TTLL7: variants seen among roughly 807,000 people sequenced by gnomAD.
TTLL7 encodes tubulin polyglutamylase TTLL7.
In TTLL7, 53 loss-of-function variants were observed where a neutral mutation model predicts 120.2. The ratio of observed to expected loss-of-function variants is 0.44; its 90% CI spans 0.35 to 0.55. The LOEUF (loss-of-function observed/expected upper bound fraction) is 0.55, where lower values mean the gene tolerates loss of function less well. Ranked by LOEUF, TTLL7 falls within the 20% of genes least tolerant of loss-of-function variation. TTLL7 has a pLI of 0.00. For missense variants in TTLL7, 803 were observed against 1,054.7 expected (o/e 0.76, Z 3.31); for synonymous variants, 353 against 351.7 (o/e 1.00, Z -0.04).
intron 1 of TTLL7, among the ~76,000 whole-genome samples, chr1:83,961,230 T>C (rs1649992043): frequency 6.6e-6 from 1 of 152,124 alleles, no homozygotes; most frequent in Non-Finnish European, 1.5e-5. Flanking sequence ...GGAAGGTTTT[T>C]TTGAATTTAA....
chr1:83,907,393 T>C, intron 16 of TTLL7, 63 bp downstream of exon 16: 3 of 1,439,102 alleles, frequency 2.1e-6, no homozygotes, highest in Non-Finnish European at 2.9e-6. Context: ...TCCTCTCATC[T>C]GATCCCCTTT....
chr1:83,948,825 T>A, intron 4 of TTLL7, 130 bp from the exon 5 acceptor site: 1 of 612,312 alleles, frequency 1.6e-6, no homozygotes, highest in Non-Finnish European at 2.8e-6. Flanking sequence ...CTAAAAGATT[T>A]AATGTTAAAT....
Position 83,952,025 on chromosome 1 carries a change from T to C in TTLL7, c.26-49A>G, listed in dbSNP as rs768825663. The C allele has an allele frequency of 3.7e-5, 58 of 1,579,486 alleles. 1 individual carries two copies. The highest frequency in any genetic ancestry group is 1.8e-4 in the Admixed American group (10 of 55,958). ...AGATAACACTGAAAACAAAAATCTA[T>C]ACCAGACAACACAAATACCACCCCC... On this transcript the variant is annotated intron_variant, in intron 2 of 20. Transcript: ENST00000260505.
intron 18 of TTLL7, among the ~76,000 whole-genome samples, chr1:83,894,163 T>G (rs1656021320): frequency 6.6e-6 from 1 of 152,094 alleles, no homozygotes; most frequent in Non-Finnish European, 1.5e-5. Context: ...CACTTTTCCT[T>G]TCTACTTTCT....
rs564862228 is a variant in TTLL7, at chr1:83,883,252, G to T, written c.2370-116C>A. ...GAAATAGAAATGGTCTCATACATTT[G>T]CAATAACTATGAATGGTTTAAAGAT... On this transcript the variant is annotated intron_variant, in intron 19 of 20. Coordinates refer to ENST00000260505, the MANE Select transcript of TTLL7 (RefSeq NM_024686.6). The T allele has an allele frequency of 8.3e-6, 6 of 726,576 alleles. No individual in the cohort carries two copies. In the South Asian group the frequency reaches 1.2e-4, roughly 14 times the overall value. The allele number at this position is 726,576 out of a possible 1,614,324, so 45.0% of individuals were successfully genotyped here.
intron 20 of TTLL7, among the ~76,000 whole-genome samples, chr1:83,871,896 C>CAA (rs1281907006): frequency 0.069 from 3,037 of 43,766 alleles, 68 homozygotes; most frequent in Middle Eastern, 0.12. Context: ...GACTCCATCT[C>CAA]AAAAAAAAAA....
At chr1:83,947,009 C>T in intron 6 of TTLL7, 115 bp downstream of exon 6, 1 of 780,444 alleles carries the variant, frequency 1.3e-6, no homozygotes, top group Non-Finnish European at 1.9e-6. Context: ...TAGTTAGAAA[C>T]CTATTTCGTT....
chr1:83,875,547 G>T (rs1482682715), intron 20 of TTLL7, among the ~76,000 whole-genome samples: 1 of 151,848 alleles, frequency 6.6e-6, no homozygotes, highest in Non-Finnish European at 1.5e-5. Context: ...AGAATTTACA[G>T]GGAGAGTAGC....
intron 18 of TTLL7, among the ~76,000 whole-genome samples, chr1:83,899,821 A>G (rs1168777254): frequency 6.6e-6 from 1 of 151,854 alleles, no homozygotes; most frequent in Non-Finnish European, 1.5e-5. Context: ...TAGTGCTTCC[A>G]CTCCCTCCAC....
At position 83,949,946 on chromosome 1, in the gene TTLL7, T is replaced by TG. The variant is rs1198449197; in HGVS notation, c.197dup (p.Asp67ArgfsTer2). The stretch of plus-strand genomic sequence containing the variant: ...TAAGATTACTTGTTTCATCCTCATC[T>TG]GGAGTTTTCATAAATCCCATTTCAT... On this transcript the variant is annotated frameshift_variant, in exon 4 of 21. Transcript: ENST00000260505. LOFTEE classifies it high-confidence loss of function. 6.2e-7 allele frequency: 1 copy of TG among 1,613,466 alleles called. No individual in the cohort carries two copies. The highest frequency in any genetic ancestry group is 8.5e-7 in the Non-Finnish European group (1 of 1,179,832).
At chr1:83,948,722 T>C (rs1648745008) in intron 4 of TTLL7, 27 bp from the exon 5 acceptor site, 1 of 1,500,366 alleles carries the variant, frequency 6.7e-7, no homozygotes, top group Non-Finnish European at 9.3e-7. Context: ...TAAATATTAA[T>C]ATTCTCAGCG....
intron 18 of TTLL7, among the ~76,000 whole-genome samples, chr1:83,891,320 A>G (rs888332441): frequency 1.3e-5 from 2 of 152,100 alleles, no homozygotes; most frequent in Admixed American, 1.3e-4. Context: ...TTCAGAAAAA[A>G]GGAAATAAAT....
At chr1:83,965,400 C>T (rs1258209892) in intron 1 of TTLL7, among the ~76,000 whole-genome samples, 1 of 151,970 alleles carries the variant, frequency 6.6e-6, no homozygotes, top group Non-Finnish European at 1.5e-5. Context: ...TGCCACCTTG[C>T]GAAGAAGGTG....
intron 7 of TTLL7, among the ~76,000 whole-genome samples, chr1:83,940,249 G>C (rs1647827132): frequency 6.6e-6 from 1 of 152,030 alleles, no homozygotes; most frequent in Non-Finnish European, 1.5e-5. Flanking sequence ...TCATCCAAAA[G>C]AGCTTCCAAG....
At chr1:83,888,680 C>T (rs187300722) in intron 19 of TTLL7, among the ~76,000 whole-genome samples, 11 of 151,730 alleles carry the variant, frequency 7.2e-5, no homozygotes, top group African/African-American at 2.2e-4. Context: ...AGGAAGAAAA[C>T]GACAAATTTT....
rs768366817 is a variant in TTLL7, at chr1:83,869,929, T to G, written c.*33A>C. 1 of 1,588,828 alleles carries G rather than the reference T, an allele frequency of 6.3e-7. No homozygotes were observed. The highest frequency in any genetic ancestry group is 8.5e-7 in the Non-Finnish European group (1 of 1,172,988). Reference sequence around the variant, plus strand: ...TCAGAGGAAAAAAATGAATTGCTGTTATGTATAACCAATGGCGATCTTCCC... The same window carrying G: ...TCAGAGGAAAAAAATGAATTGCTGTGATGTATAACCAATGGCGATCTTCCC... On this transcript the variant is annotated 3_prime_UTR_variant, in exon 21 of 21. Coordinates refer to ENST00000260505, the MANE Select transcript of TTLL7 (RefSeq NM_024686.6).
intron 20 of TTLL7, among the ~76,000 whole-genome samples, chr1:83,881,215 G>T (rs895043046): frequency 6.6e-6 from 1 of 151,370 alleles, no homozygotes. Flanking sequence ...CAAAAGCAAT[G>T]GCAAAAAAAG....
Position 83,890,394 on chromosome 1 carries a change from T to C in TTLL7, c.2296A>G (p.Ile766Val), listed in dbSNP as rs1431267046. The C allele has an allele frequency of 1.2e-6, 2 of 1,613,340 alleles. No homozygotes were observed. Among genetic ancestry groups the C allele is most frequent in the Non-Finnish European group, 1.7e-6 (2 of 1,179,588 alleles). Residue 766 changes from isoleucine to valine, a missense_variant, in exon 19 of 21, where the codon ATT (isoleucine) becomes GTT (valine). Coordinates refer to ENST00000260505, the MANE Select transcript of TTLL7 (RefSeq NM_024686.6). ...AAGCGATTAAAAACCCGGTTGAAAATCCGATATAAATTTACTTCTTCAACA... is the reference window on the plus strand; with the variant it reads ...AAGCGATTAAAAACCCGGTTGAAAACCCGATATAAATTTACTTCTTCAACA... ...PDVEEVNLYRIFNRVFNRLLW... is the reference protein window; with the variant it reads ...PDVEEVNLYRVFNRVFNRLLW...
At chr1:83,888,585 T>C (rs1655166162) in intron 19 of TTLL7, among the ~76,000 whole-genome samples, 1 of 151,942 alleles carries the variant, frequency 6.6e-6, no homozygotes, top group African/African-American at 2.4e-5. Context: ...GGGCTTTACA[T>C]TAGATTCAAA....
Sources: gnomAD v4.1 joint callset for allele counts (sites outside exome capture counted in the v4.1 genomes callset) on GRCh38, gnomAD v4.1.1 for gene constraint, MANE v1.5 for transcripts, NCBI Gene and HGNC (gene_info 2026-07-23, HGNC 2026-07-21) for gene names.